WDR70: variants seen among roughly 807,000 people sequenced by gnomAD.
WDR70 encodes WD repeat domain 70.
WDR70 carries 53 observed loss-of-function variants against 88.6 expected under a neutral mutation model. The ratio of observed to expected loss-of-function variants is 0.60; its 90% CI spans 0.48 to 0.75. The LOEUF (loss-of-function observed/expected upper bound fraction) is 0.75. Ranked by LOEUF, WDR70 falls within the 30% of genes least tolerant of loss-of-function variation. The probability of loss-of-function intolerance (pLI) is 0.00; values close to 1 mark genes in which losing one functional copy is unlikely to be tolerated. For synonymous variants in WDR70, 280 were observed against 270.0 expected (o/e 1.04, Z -0.36); for missense variants, 610 against 823.2 (o/e 0.74, Z 3.17).
chr5:37,400,651 A>G (rs1581250493), intron 5 of WDR70, among the ~76,000 whole-genome samples: 2 of 152,098 alleles, frequency 1.3e-5, no homozygotes, highest in Non-Finnish European at 1.5e-5. Flanking sequence ...TTGATTGTGG[A>G]CCTCTAGCCT....
chr5:37,408,942 T>A (rs953245875), intron 5 of WDR70, among the ~76,000 whole-genome samples: 5 of 152,130 alleles, frequency 3.3e-5, no homozygotes, highest in African/African-American at 1.2e-4. Flanking sequence ...GAATTTCATT[T>A]TTATTATTAT....
At chr5:37,513,568 T>C (rs1740788494) in intron 8 of WDR70, among the ~76,000 whole-genome samples, 2 of 152,124 alleles carry the variant, frequency 1.3e-5, no homozygotes, top group Admixed American at 1.3e-4. Context: ...GGAATATACA[T>C]ACAGGGGAGT....
chr5:37,518,765 G>A (rs1740977182), intron 9 of WDR70, among the ~76,000 whole-genome samples: 1 of 150,470 alleles, frequency 6.6e-6, no homozygotes, highest in African/African-American at 2.4e-5. Flanking sequence ...TAGGATAATA[G>A]TGGAGAGAAG....
intron 9 of WDR70, among the ~76,000 whole-genome samples, chr5:37,573,676 C>G (rs1031647955): frequency 2.6e-5 from 4 of 151,828 alleles, no homozygotes; most frequent in African/African-American, 9.7e-5. Flanking sequence ...TGTTGTTGTT[C>G]TCCCACAGCA....
At chr5:37,488,475 G>T (rs1290786556) in intron 8 of WDR70, among the ~76,000 whole-genome samples, 1 of 141,886 alleles carries the variant, frequency 7.0e-6, no homozygotes, top group African/African-American at 2.6e-5. Flanking sequence ...CATTATGTAG[G>T]CTTTCTTTAT....
At chr5:37,514,574 C>G (rs189650296) in intron 8 of WDR70, among the ~76,000 whole-genome samples, 1 of 151,400 alleles carries the variant, frequency 6.6e-6, no homozygotes, top group African/African-American at 2.4e-5. Context: ...GGCCCCAGTT[C>G]GTGCTGTTCC....
At chr5:37,737,391 A>G (rs185134518) in intron 17 of WDR70, among the ~76,000 whole-genome samples, 60 of 152,348 alleles carry the variant, frequency 3.9e-4, no homozygotes, top group Admixed American at 1.2e-3. Context: ...GCTTTTCATC[A>G]TAAAGCAACT....
At chr5:37,632,167 A>G (rs190179351) in intron 10 of WDR70, among the ~76,000 whole-genome samples, 1 of 152,326 alleles carries the variant, frequency 6.6e-6, no homozygotes, top group East Asian at 1.9e-4. Flanking sequence ...TTACAGCACA[A>G]TGTGTTACTC....
intron 8 of WDR70, among the ~76,000 whole-genome samples, chr5:37,504,633 A>C (rs1315462092): frequency 4.6e-5 from 7 of 152,234 alleles, no homozygotes; most frequent in Non-Finnish European, 4.4e-5. Flanking sequence ...AAAGAAAATA[A>C]TTCATTTCTG....
intron 10 of WDR70, among the ~76,000 whole-genome samples, chr5:37,644,810 G>T (rs574388999): frequency 6.6e-6 from 1 of 151,784 alleles, no homozygotes; most frequent in East Asian, 1.9e-4. Context: ...TGTAGTATTG[G>T]TTGTAATAGC....
intron 10 of WDR70, among the ~76,000 whole-genome samples, chr5:37,685,473 A>G (rs765729316): frequency 2.6e-5 from 4 of 152,082 alleles, no homozygotes; most frequent in Non-Finnish European, 4.4e-5. Context: ...CCGAGGCTGC[A>G]CTGCAAGCAG....
At chr5:37,559,072 T>C (rs1415080508) in intron 9 of WDR70, among the ~76,000 whole-genome samples, 1 of 152,118 alleles carries the variant, frequency 6.6e-6, no homozygotes, top group African/African-American at 2.4e-5. Flanking sequence ...GAGCTGGGAT[T>C]ACCGGTGCCC....
intron 7 of WDR70, among the ~76,000 whole-genome samples, chr5:37,454,120 A>C (rs1213501870): frequency 6.6e-6 from 1 of 152,208 alleles, no homozygotes; most frequent in Non-Finnish European, 1.5e-5. Flanking sequence ...GAAATAGAGC[A>C]GAAGACTGTT....
chr5:37,464,846 G>T (rs2112115005), intron 7 of WDR70, among the ~76,000 whole-genome samples: 1 of 152,286 alleles, frequency 6.6e-6, no homozygotes, highest in South Asian at 2.1e-4. Context: ...ACAGAAGCCT[G>T]CCAAGAGGAG....
intron 7 of WDR70, among the ~76,000 whole-genome samples, chr5:37,454,784 C>T (rs1738781187): frequency 6.6e-6 from 1 of 152,154 alleles, no homozygotes; most frequent in Non-Finnish European, 1.5e-5. Flanking sequence ...TTTAATTCTA[C>T]AACTAAGTAT....
intron 10 of WDR70, among the ~76,000 whole-genome samples, chr5:37,642,018 A>G (rs1039470945): frequency 6.6e-6 from 1 of 152,202 alleles, no homozygotes; most frequent in South Asian, 2.1e-4. Flanking sequence ...ACATACACCT[A>G]TAGGAATTTT....
rs565895925 is a variant in WDR70, at chr5:37,467,389, A to G, written c.687-12445A>G. On this transcript the variant is annotated intron_variant, in intron 7 of 17. Transcript: ENST00000265107. The stretch of plus-strand genomic sequence containing the variant: ...CTCAGTATCCTCACATGGTAGGGAG[A>G]AAAGCAGCTCTAGTGTCTCTTCTTA... Among the ~76,000 whole-genome samples, 50 of 152,096 alleles carry G rather than the reference A, an allele frequency of 3.3e-4. No homozygotes were observed. In the South Asian group the frequency reaches 1.0e-2, roughly 30 times the overall value.
chr5:37,692,176 G>A (rs529291590), intron 10 of WDR70, among the ~76,000 whole-genome samples: 2 of 151,970 alleles, frequency 1.3e-5, no homozygotes, highest in South Asian at 4.2e-4. Flanking sequence ...GGAATAAGTT[G>A]ATTTTCTGAA....
intron 7 of WDR70, among the ~76,000 whole-genome samples, chr5:37,451,747 G>A (rs573917970): frequency 7.9e-5 from 12 of 152,246 alleles, no homozygotes; most frequent in African/African-American, 2.6e-4. Flanking sequence ...TGTAATCCCC[G>A]CACTTTGGGA....
Sources: gnomAD v4.1 joint callset for allele counts (sites outside exome capture counted in the v4.1 genomes callset) on GRCh38, gnomAD v4.1.1 for gene constraint, MANE v1.5 for transcripts, NCBI Gene and HGNC (gene_info 2026-07-23, HGNC 2026-07-21) for gene names.